The following IKBKB variants were observed in gnomAD, a reference collection of about 807,000 sequenced individuals.
The protein encoded by IKBKB is inhibitor of nuclear factor kappa B kinase subunit beta, also known as inhibitor of nuclear factor kappa-B kinase subunit beta.
IKBKB carries 42 observed loss-of-function variants against 113.6 expected under a neutral mutation model. The ratio of observed to expected loss-of-function variants is 0.37; its 90% CI spans 0.29 to 0.48. The LOEUF is 0.48. IKBKB is among the 20% of genes least tolerant of loss of function. The pLI is 0.99. For synonymous variants in IKBKB, 296 were observed against 361.3 expected (o/e 0.82, Z 2.05); for missense variants, 673 against 939.7 (o/e 0.72, Z 3.71).
intron 5 of IKBKB, among the ~76,000 whole-genome samples, chr8:42,302,028 T>A (rs1216362313): frequency 1.3e-5 from 2 of 152,224 alleles, no homozygotes; most frequent in African/African-American, 4.8e-5. Context: ...TCTCCAGCAG[T>A]CTGTCATATA....
At chr8:42,314,470 CT>C in intron 9 of IKBKB, 41 bp downstream of exon 9, 10 of 1,323,492 alleles carry the variant, frequency 7.6e-6, no homozygotes, top group South Asian at 1.2e-5. Flanking sequence ...ATCTTTCTTG[CT>C]TTTTTTAGAA....
chr8:42,328,175 G>A (rs1444571389), intron 20 of IKBKB, among the ~76,000 whole-genome samples: 2 of 147,908 alleles, frequency 1.4e-5, no homozygotes, highest in Non-Finnish European at 3.0e-5. Flanking sequence ...TCGAACTCCC[G>A]ACCTTGGGTG....
At chr8:42,314,032 T>C (rs542665068) in intron 8 of IKBKB, 1 of 345,462 alleles carries the variant, frequency 2.9e-6, no homozygotes, top group Non-Finnish European at 5.5e-6. Flanking sequence ...CTCATGAGAT[T>C]ATAATACTGT....
chr8:42,279,754 C>T (rs1022179706), intron 2 of IKBKB, among the ~76,000 whole-genome samples: 1 of 152,172 alleles, frequency 6.6e-6, no homozygotes, highest in African/African-American at 2.4e-5. Context: ...GTGGTGAGGA[C>T]TCAGGGGGAG....
chr8:42,300,931 C>T (rs779643603), intron 5 of IKBKB, among the ~76,000 whole-genome samples: 14 of 152,188 alleles, frequency 9.2e-5, no homozygotes, highest in East Asian at 1.9e-4. Context: ...CATGTTTCAC[C>T]GCAGCCTTGA....
At chr8:42,298,428 G>A in intron 5 of IKBKB, 2 of 985,426 alleles carry the variant, frequency 2.0e-6, no homozygotes, top group Non-Finnish European at 2.4e-6. Flanking sequence ...AAAGAACAGA[G>A]GGTTTCAGAG....
Position 42,320,832 on chromosome 8 carries a change from C to A in IKBKB, c.1676C>A (p.Thr559Lys). The A allele has an allele frequency of 6.3e-7, 1 of 1,592,146 alleles. No individual in the cohort carries two copies. The highest frequency in any genetic ancestry group is 1.1e-5 in the South Asian group (1 of 87,346). Residue 559 changes from threonine (T) to lysine (K), a missense_variant, in exon 16 of 22, where the codon ACG (threonine) becomes AAG (lysine). Physicochemically the swap from Thr to Lys is moderately conservative, Grantham distance 78. This residue lies in a region of IKBKB where 506 missense variants were observed against 638.7 expected (regional missense o/e 0.79). Coordinates refer to ENST00000520810, the MANE Select transcript of IKBKB (RefSeq NM_001556.3). ...RSPMGRKQGG[T>K]LDDLEEQARE... ...CCCATGGGCCGGAAGCAGGGGGGAACGCTGGACGACCTGTGAGTACTGGCT... is the reference window on the plus strand; with the variant it reads ...CCCATGGGCCGGAAGCAGGGGGGAAAGCTGGACGACCTGTGAGTACTGGCT...
chr8:42,273,370 G>A (rs2130002673), intron 2 of IKBKB, among the ~76,000 whole-genome samples: 1 of 151,828 alleles, frequency 6.6e-6, no homozygotes, highest in South Asian at 2.1e-4. Context: ...AGCCGAGATA[G>A]TGTCACTGCA....
intron 8 of IKBKB, among the ~76,000 whole-genome samples, chr8:42,313,286 A>G (rs1054921953): frequency 1.3e-5 from 2 of 152,148 alleles, no homozygotes; most frequent in Non-Finnish European, 2.9e-5. Flanking sequence ...CCCCGTCTCT[A>G]CAAAAAATAC....
At chr8:42,326,812 C>T (rs1480525024) in intron 20 of IKBKB, among the ~76,000 whole-genome samples, 3 of 152,174 alleles carry the variant, frequency 2.0e-5, no homozygotes, top group Admixed American at 6.5e-5. Context: ...GCCCTCCGCC[C>T]GTTCTCCAGC....
intron 2 of IKBKB, among the ~76,000 whole-genome samples, chr8:42,278,729 C>T (rs1361238229): frequency 6.6e-6 from 1 of 152,038 alleles, no homozygotes; most frequent in Non-Finnish European, 1.5e-5. Flanking sequence ...GGTGCAGTGG[C>T]TCATGCCTGT....
In IKBKB at chr8:42,316,865, C is replaced by A. The variant is rs759450524; in HGVS notation, c.1086C>A (p.Ile362=). 9 of 1,614,012 alleles carry A rather than the reference C, an allele frequency of 5.6e-6. No homozygotes were observed. In the African/African-American group the frequency reaches 8.0e-5, roughly 14 times the overall value. ...TGCAGGAAGCGGGCCTGGCGTTGAT[C>A]CCCGATAAGCCTGCCACTCAGTGTA... ...ELLQEAGLAL[I]PDKPATQCIS... is the part of the protein sequence containing the mutation. Residue 362 remains isoleucine (I), a synonymous_variant, in exon 11 of 22, where the codon ATC becomes ATA. Transcript: ENST00000520810. The surrounding 1 kb of genome is among the most constrained non-coding windows in gnomAD (Gnocchi z 4.5).
intron 21 of IKBKB, 87 bp downstream of exon 21, chr8:42,329,301 TATCCTC>T: frequency 6.8e-7 from 1 of 1,466,634 alleles, no homozygotes; most frequent in South Asian, 1.4e-5. Flanking sequence ...AATCTGGCAT[TATCCTC>T]AACCTCAGTG....
chr8:42,322,839 C>G (rs1484749017), intron 19 of IKBKB, among the ~76,000 whole-genome samples: 1 of 152,160 alleles, frequency 6.6e-6, no homozygotes, highest in Non-Finnish European at 1.5e-5. Context: ...ATTGCTTGAG[C>G]CCAGGAGTTC....
chr8:42,319,441 T>C lies in IKBKB; in HGVS notation c.1516+20T>C. 6.2e-7 allele frequency: 1 copy of C among 1,614,066 alleles called. No individual in the cohort carries two copies. The highest frequency in any genetic ancestry group is 8.5e-7 in the Non-Finnish European group (1 of 1,179,900). ...GGATCAGTGAGTGTGCACTTTGCAA[T>C]GAGTTTAAAGACACCATTTTTTTTT... On this transcript the variant is annotated intron_variant, in intron 14 of 21. Coordinates refer to ENST00000520810, the MANE Select transcript of IKBKB (RefSeq NM_001556.3).
At chr8:42,274,001 ATTCT>A (rs901534667) in intron 2 of IKBKB, among the ~76,000 whole-genome samples, 76 of 152,206 alleles carry the variant, frequency 5.0e-4, no homozygotes, top group African/African-American at 1.7e-3. Context: ...AACAGTCAAA[ATTCT>A]TTCTTCTGGC....
At chr8:42,287,267 A>G (rs1183882399) in intron 2 of IKBKB, among the ~76,000 whole-genome samples, 1 of 152,236 alleles carries the variant, frequency 6.6e-6, no homozygotes, top group Non-Finnish European at 1.5e-5. Flanking sequence ...CACCAGGTGG[A>G]GGAGCCACCG....
intron 2 of IKBKB, among the ~76,000 whole-genome samples, chr8:42,278,699 A>C (rs1809701243): frequency 2.2e-5 from 1 of 46,220 alleles, no homozygotes; most frequent in African/African-American, 9.5e-5. Flanking sequence ...AGGTGGGCAG[A>C]CTTAAGAGAT....
chr8:42,293,692 A>G lies in IKBKB; in HGVS notation c.388+180A>G, dbSNP rs1250075051. 7.6e-6 allele frequency: 7 copies of G among 923,036 alleles called. No individual in the cohort carries two copies. The Admixed American group carries it at 7.6e-5, about 10-fold the overall frequency. 57.2% of individuals were successfully genotyped at this position (923,036 alleles called of 1,614,324 possible). On this transcript the variant is annotated intron_variant, in intron 5 of 21. Transcript: ENST00000520810. ...GAGGTCAACAAGGAGTCAGCCAGACAGATGCTGAACTCAAATAGGTTTCCC... is the reference window on the plus strand; with the variant it reads ...GAGGTCAACAAGGAGTCAGCCAGACGGATGCTGAACTCAAATAGGTTTCCC...
Sources: gnomAD v4.1 joint callset for allele counts (sites outside exome capture counted in the v4.1 genomes callset) on GRCh38, gnomAD v4.1.1 for gene constraint, gnomAD v4.1.1 regional missense constraint, Gnocchi (gnomAD v3.1) non-coding constraint, MANE v1.5 for transcripts, NCBI Gene and HGNC (gene_info 2026-07-23, HGNC 2026-07-21) for gene names.